PRKG1: variants seen among roughly 807,000 people sequenced by gnomAD.
The protein encoded by PRKG1 is protein kinase cGMP-dependent 1, also known as cGMP-dependent protein kinase 1.
PRKG1 carries 35 observed loss-of-function variants against 88.1 expected under a neutral mutation model. The observed-to-expected ratio is 0.40, with a 90% confidence interval of 0.30 to 0.53. PRKG1 has a LOEUF of 0.53. PRKG1 is among the 20% of genes least tolerant of loss of function. The pLI, the probability that PRKG1 is intolerant of heterozygous loss-of-function variation, is 0.59. For synonymous variants in PRKG1, 303 were observed against 292.5 expected (o/e 1.04, Z -0.37); for missense variants, 540 against 839.8 (o/e 0.64, Z 4.41).
At chr10:52,174,887 T>A (rs1414428634) in intron 9 of PRKG1, among the ~76,000 whole-genome samples, 2 of 152,088 alleles carry the variant, frequency 1.3e-5, no homozygotes, top group Non-Finnish European at 2.9e-5. Context: ...TATATATAAC[T>A]GTTCATATGT....
At chr10:51,817,831 A>AT (rs1839632399) in intron 4 of PRKG1, among the ~76,000 whole-genome samples, 2 of 152,168 alleles carry the variant, frequency 1.3e-5, no homozygotes, top group South Asian at 2.1e-4. Context: ...CATTAACTTC[A>AT]TTTTTTCCTT....
Position 51,874,878 on chromosome 10 carries a change from T to C in PRKG1, c.699-32629T>C, listed in dbSNP as rs148710755. Among the ~76,000 whole-genome samples the C allele has an allele frequency of 5.9e-5, 9 of 152,304 alleles. 1 individual carries two copies. In the East Asian group the frequency reaches 1.7e-3, roughly 29 times the overall value. ...TTACTTCACATTCCTATTGGGAAGA[T>C]TGTGTGAAATTAGTTAGGTAATTAA... On this transcript the variant is annotated intron_variant, in intron 4 of 17. Transcript: ENST00000373980.
At chr10:52,084,149 G>T (rs1414953705) in intron 7 of PRKG1, among the ~76,000 whole-genome samples, 1 of 151,990 alleles carries the variant, frequency 6.6e-6, no homozygotes, top group Non-Finnish European at 1.5e-5. Flanking sequence ...ATTAGAAGAT[G>T]ATTAGCAGTG....
chr10:51,439,215 G>A (rs1349690255), intron 2 of PRKG1, among the ~76,000 whole-genome samples: 1 of 151,828 alleles, frequency 6.6e-6, no homozygotes, highest in Admixed American at 6.6e-5. Context: ...TCCTTCACTG[G>A]ATACGCATGT....
At chr10:51,552,794 TCA>T (rs1837173801) in intron 3 of PRKG1, among the ~76,000 whole-genome samples, 1 of 151,644 alleles carries the variant, frequency 6.6e-6, no homozygotes. Flanking sequence ...AGAAATTTTA[TCA>T]GTTATTCACC....
chr10:51,064,524 T>C (rs1328834481), intron 1 of PRKG1, among the ~76,000 whole-genome samples: 4 of 152,064 alleles, frequency 2.6e-5, no homozygotes. Flanking sequence ...CAAATTTGAC[T>C]CTTTAATAGA....
chr10:51,459,974 C>T (rs1256931115), intron 2 of PRKG1, among the ~76,000 whole-genome samples: 1 of 151,996 alleles, frequency 6.6e-6, no homozygotes, highest in East Asian at 1.9e-4. Flanking sequence ...AAAGTTTTCC[C>T]TTGAAATATA....
intron 2 of PRKG1, among the ~76,000 whole-genome samples, chr10:51,297,859 T>C (rs1174338706): frequency 6.6e-6 from 1 of 152,134 alleles, no homozygotes; most frequent in Non-Finnish European, 1.5e-5. Flanking sequence ...ATTTTCTCTT[T>C]AGTATAAGGC....
intron 3 of PRKG1, among the ~76,000 whole-genome samples, chr10:51,493,198 A>C (rs1840755337): frequency 6.6e-6 from 1 of 152,152 alleles, no homozygotes; most frequent in Non-Finnish European, 1.5e-5. Flanking sequence ...GCTGTTTTTA[A>C]ATTTTACTCC....
chr10:51,632,649 G>A (rs1839555831), intron 3 of PRKG1, among the ~76,000 whole-genome samples: 2 of 152,106 alleles, frequency 1.3e-5, no homozygotes, highest in South Asian at 4.1e-4. Context: ...ATTACTTTGT[G>A]AATAAAATTT....
chr10:51,700,850 A>G (rs1841446874), intron 3 of PRKG1, among the ~76,000 whole-genome samples: 1 of 152,228 alleles, frequency 6.6e-6, no homozygotes, highest in Non-Finnish European at 1.5e-5. Context: ...CAACTTGGAT[A>G]TAGAATCTAC....
chr10:51,809,617 G>A (rs1839399262), intron 4 of PRKG1, among the ~76,000 whole-genome samples: 1 of 152,176 alleles, frequency 6.6e-6, no homozygotes, highest in African/African-American at 2.4e-5. Context: ...TGAGGACAAT[G>A]ATAGTGGTGG....
chr10:52,007,205 C>T (rs1844759353), intron 5 of PRKG1, among the ~76,000 whole-genome samples: 1 of 152,030 alleles, frequency 6.6e-6, no homozygotes. Context: ...TATAAAGCAA[C>T]CACAAAAAAG....
chr10:51,542,670 A>T (rs986207250), intron 3 of PRKG1, among the ~76,000 whole-genome samples: 8 of 51,330 alleles, frequency 1.6e-4, no homozygotes, highest in African/African-American at 3.5e-4. Context: ...TGTGTTTCGC[A>T]TGATAGTCTG....
intron 2 of PRKG1, chr10:51,299,525 A>G: frequency 4.3e-6 from 2 of 468,272 alleles, no homozygotes; most frequent in Middle Eastern, 6.5e-4. Flanking sequence ...TCATTCTTTA[A>G]AGTAGGAACT....
chr10:52,077,569 T>C (rs1846662304), intron 7 of PRKG1, among the ~76,000 whole-genome samples: 1 of 152,130 alleles, frequency 6.6e-6, no homozygotes, highest in Non-Finnish European at 1.5e-5. Flanking sequence ...AGTTTTCGAG[T>C]TGTACATTTT....
chr10:51,909,495 A>G (rs1564703947), intron 5 of PRKG1: 1 of 152,232 alleles, frequency 6.6e-6, no homozygotes, highest in South Asian at 2.1e-4. Flanking sequence ...ACATATACGA[A>G]GACATATGAG....
At chr10:51,263,467 T>C (rs1410535924) in intron 2 of PRKG1, among the ~76,000 whole-genome samples, 4 of 152,220 alleles carry the variant, frequency 2.6e-5, no homozygotes, top group African/African-American at 9.6e-5. Flanking sequence ...CTTCCAGACA[T>C]TGCTCTAATT....
chr10:52,267,168 AG>A (rs1564538449), intron 10 of PRKG1, among the ~76,000 whole-genome samples: 2 of 152,122 alleles, frequency 1.3e-5, no homozygotes, highest in Non-Finnish European at 2.9e-5. Context: ...ATCATGGATT[AG>A]GTTTGTTAAA....
Sources: gnomAD v4.1 joint callset for allele counts (sites outside exome capture counted in the v4.1 genomes callset) on GRCh38, gnomAD v4.1.1 for gene constraint, MANE v1.5 for transcripts, NCBI Gene and HGNC (gene_info 2026-07-23, HGNC 2026-07-21) for gene names.